Variants in NDRG4 observed in about 807,000 individuals in gnomAD.
The protein encoded by NDRG4 is NDRG family member 4, also known as protein NDRG4.
In NDRG4, 38 loss-of-function variants were observed where a neutral mutation model predicts 55.8. The ratio of observed to expected loss-of-function variants is 0.68; its 90% confidence interval spans 0.53 to 0.89. The LOEUF is 0.89. Ranked by LOEUF, NDRG4 falls within the 40% of genes least tolerant of loss-of-function variation. The probability of loss-of-function intolerance (pLI) is 0.00; values close to 1 mark genes in which losing one functional copy is unlikely to be tolerated. For missense variants in NDRG4, 455 were observed against 468.6 expected (o/e 0.97, Z 0.27); for synonymous variants, 190 against 182.7 (o/e 1.04, Z -0.32).
In NDRG4 at chr16:58,481,239, A is replaced by G. The variant is rs375076336; in HGVS notation, c.-23-6517A>G. Among the ~76,000 whole-genome samples, 15 of 152,312 alleles carry G rather than the reference A, an allele frequency of 9.8e-5. No homozygotes were observed. The South Asian group carries it at 1.2e-3, about 13-fold the overall frequency. ...GAGCTTATACATGTAAAATGCCTGG[A>G]ACATAGCATTCATTAATATTAAGGA... On this transcript the variant is annotated intron_variant, in intron 1 of 15. Coordinates refer to the NDRG4 transcript ENST00000258187.
At chr16:58,509,105 G>A (rs1288910329) in intron 11 of NDRG4, 49 bp from the exon 12 acceptor site, 1 of 1,613,994 alleles carries the variant, frequency 6.2e-7, no homozygotes, top group Admixed American at 1.7e-5. Context: ...GTGGGAGCTT[G>A]TCCTGGAGTG....
Position 58,511,563 on chromosome 16 carries a change from A to G in NDRG4, c.1046A>G (p.Glu349Gly). 1 of 1,612,988 alleles carries G rather than the reference A, an allele frequency of 6.2e-7. No individual in the cohort carries two copies. Among genetic ancestry groups the G allele is most frequent in the Non-Finnish European group, 8.5e-7 (1 of 1,179,960 alleles). ...EGLGQVNHTM[E>G]VSC ...CTGGGCCAGGTCAACCACACCATGG[A>G]GGTGTCCTGTTGAAGCCCTTGATCC... The change falls in exon 15 of 15, where the codon GAG becomes GGG. Residue 349 changes from glutamate (E) to glycine (G), a missense_variant. Physicochemically the swap from Glu to Gly is moderately conservative, Grantham distance 98. Coordinates refer to ENST00000570248, the MANE Select transcript of NDRG4 (RefSeq NM_001242835.2).
Position 58,503,890 on chromosome 16 carries a change from T to TGTGG in NDRG4, c.116_119dup (p.Leu41GlyfsTer120). ...GCCCAGCCATCCTCACCTACCATGA[T>TGTGG]GTGGGCCTCAACCGTAAGTGCAGCC... On this transcript the variant is annotated frameshift_variant, in exon 2 of 15. Transcript: ENST00000570248. LOFTEE classifies it high-confidence loss of function. The TGTGG allele has an allele frequency of 6.2e-7, 1 of 1,613,868 alleles. No individual in the cohort carries two copies. Among genetic ancestry groups the TGTGG allele is most frequent in the Non-Finnish European group, 8.5e-7 (1 of 1,179,996 alleles).
At chr16:58,494,880 A>C in intron 2 of NDRG4, 1 of 1,114,334 alleles carries the variant, frequency 9.0e-7, no homozygotes, top group Non-Finnish European at 1.4e-6. Context: ...ACTAGGGGAC[A>C]GAAATTGAGT....
chr16:58,484,327 C>T (rs1202131652), intron 1 of NDRG4, among the ~76,000 whole-genome samples: 2 of 150,588 alleles, frequency 1.3e-5, no homozygotes, highest in Non-Finnish European at 3.0e-5. Flanking sequence ...GAGCTGAGAT[C>T]GCGCCACTGC....
At chr16:58,472,252 G>A (rs2032959757) in intron 1 of NDRG4, 1 of 152,348 alleles carries the variant, frequency 6.6e-6, no homozygotes, top group African/African-American at 2.4e-5. Context: ...CAGAGGAGCA[G>A]TTGTCAGAGA....
intron 1 of NDRG4, among the ~76,000 whole-genome samples, chr16:58,477,163 T>G (rs903061195): frequency 3.3e-5 from 5 of 149,256 alleles, no homozygotes; most frequent in Admixed American, 1.3e-4. Flanking sequence ...ATATATGTGA[T>G]ATATATATAT....
At chr16:58,488,397 T>C (rs150305870) in intron 2 of NDRG4, among the ~76,000 whole-genome samples, 17 of 152,284 alleles carry the variant, frequency 1.1e-4, no homozygotes, top group African/African-American at 3.6e-4. Flanking sequence ...CAGAGTGACT[T>C]TCATGCCACC....
chr16:58,465,136 G>A, intron 1 of NDRG4: 1 of 1,283,504 alleles, frequency 7.8e-7, no homozygotes, highest in South Asian at 1.2e-5. Context: ...TCCCCGGTGT[G>A]GAGAGACCCA....
In NDRG4 at chr16:58,513,541, C is replaced by CT. The variant is rs767745167; in HGVS notation, c.*1968dup. The CT allele has an allele frequency of 4.6e-5, 7 of 152,140 alleles. No homozygotes were observed. Among genetic ancestry groups the CT allele is most frequent in the Non-Finnish European group, 1.0e-4 (7 of 68,028 alleles). 9.4% of individuals were successfully genotyped at this position (152,140 alleles called of 1,614,324 possible). On this transcript the variant is annotated 3_prime_UTR_variant, in exon 15 of 15. Coordinates refer to ENST00000570248, the MANE Select transcript of NDRG4 (RefSeq NM_001242835.2). ...CTAGGAGAGGATGGTCTCCACCCAT[C>CT]TTTCTATTTCCAGTACACGTCACAT... is the stretch of plus-strand genomic sequence containing the variant.
At chr16:58,465,794 T>A (rs2031526311) in intron 1 of NDRG4, among the ~76,000 whole-genome samples, 1 of 152,034 alleles carries the variant, frequency 6.6e-6, no homozygotes, top group Non-Finnish European at 1.5e-5. Context: ...GAAGGAAAGG[T>A]GGAAGCTGTT....
At position 58,485,381 on chromosome 16, in the gene NDRG4, T is replaced by A. The variant is rs374025617; in HGVS notation, c.-23-2375T>A. Among the ~76,000 whole-genome samples the A allele has an allele frequency of 6.6e-5, 10 of 152,270 alleles. 1 individual carries two copies. The South Asian group carries it at 2.1e-3, about 32-fold the overall frequency. On this transcript the variant is annotated intron_variant, in intron 1 of 15. Transcript: ENST00000258187. ...CACCACCTCCGTCACAGGCCATCTG[T>A]CCCTGCACTGCCCACTCTCAGCCCT... is the stretch of plus-strand genomic sequence containing the variant.
chr16:58,471,379 G>T (rs2032797041), intron 1 of NDRG4, among the ~76,000 whole-genome samples: 1 of 151,980 alleles, frequency 6.6e-6, no homozygotes, highest in South Asian at 2.1e-4. Flanking sequence ...CCTGCACTGA[G>T]AACAGCACGG....
In NDRG4 at chr16:58,512,182, G is replaced by A. The variant is rs774785589; in HGVS notation, c.*606G>A. On this transcript the variant is annotated 3_prime_UTR_variant, in exon 15 of 15. Coordinates refer to ENST00000570248, the MANE Select transcript of NDRG4 (RefSeq NM_001242835.2). ...GCGTCAAGGGGTTTCTCTGCCCAAG[G>A]AAGACAGAACATGGAGAACCGTCAG... The A allele has an allele frequency of 6.7e-5, 30 of 446,402 alleles. No homozygotes were observed. The highest frequency in any genetic ancestry group is 4.6e-4 in the South Asian group (29 of 62,524). 27.7% of individuals were successfully genotyped at this position (446,402 alleles called of 1,614,324 possible).
rs766720625 is a variant in NDRG4, at chr16:58,506,969, G to A, written c.574G>A (p.Val192Met). ...GAGCTACCGGCAGCAGATTGGGAACGTGGTGAACCAGGCCAACCTGCAGCT... is the reference window on the plus strand; with the variant it reads ...GAGCTACCGGCAGCAGATTGGGAACATGGTGAACCAGGCCAACCTGCAGCT... Reference protein sequence around the residue: ...VQSYRQQIGNVVNQANLQLFW... With the variant: ...VQSYRQQIGNMVNQANLQLFW... The change falls in exon 8 of 15, where the codon GTG becomes ATG. Residue 192 changes from valine to methionine, a missense_variant. Physicochemically the swap from Val to Met is conservative, Grantham distance 21 (BLOSUM62 1). Transcript: ENST00000570248. 1.2e-5 allele frequency: 19 copies of A among 1,614,020 alleles called. No individual in the cohort carries two copies. The Admixed American group carries it at 1.5e-4, about 13-fold the overall frequency.
chr16:58,510,748 T>C (rs1373237279), intron 14 of NDRG4, 65 bp downstream of exon 14: 4 of 1,416,220 alleles, frequency 2.8e-6, no homozygotes, highest in Non-Finnish European at 9.6e-7. Flanking sequence ...CTCCTTCCTC[T>C]GCGCAGTGTG....
At chr16:58,470,070 C>T (rs985258434) in intron 1 of NDRG4, among the ~76,000 whole-genome samples, 2 of 152,214 alleles carry the variant, frequency 1.3e-5, no homozygotes, top group African/African-American at 4.8e-5. Flanking sequence ...AACACATTAA[C>T]AGTGGCTTCT....
intron 1 of NDRG4, among the ~76,000 whole-genome samples, chr16:58,470,642 C>A (rs1398483568): frequency 1.3e-5 from 2 of 151,782 alleles, no homozygotes; most frequent in African/African-American, 4.8e-5. Flanking sequence ...TGCGGTGGCT[C>A]ACACCTGTAA....
rs958382976 is a variant in NDRG4, at chr16:58,507,141, C to G, written c.620+126C>G. On this transcript the variant is annotated intron_variant, in intron 8 of 14. Transcript: ENST00000570248. ...TTTGTAGATGGGCACGATATTGGGC[C>G]TCAAAGGAGGTCATTTCCTGCACAA... is the stretch of plus-strand genomic sequence containing the variant. The G allele has an allele frequency of 1.4e-5, 10 of 727,266 alleles. No homozygotes were observed. The African/African-American group carries it at 1.7e-4, about 13-fold the overall frequency. 45.1% of individuals were successfully genotyped at this position (727,266 alleles called of 1,614,324 possible). A position where few individuals can be genotyped will look rare whatever the true frequency, so the allele number is the denominator to read the frequency against.
Sources: gnomAD v4.1 joint callset for allele counts (sites outside exome capture counted in the v4.1 genomes callset) on GRCh38, gnomAD v4.1.1 for gene constraint, MANE v1.5 for transcripts, NCBI Gene and HGNC (gene_info 2026-07-23, HGNC 2026-07-21) for gene names.